Variants in DEUP1 observed in about 807,000 individuals in gnomAD.
DEUP1 encodes deuterosome assembly protein 1, also known as coiled-coil domain containing 67.
A neutral mutation model predicts 87.4 loss-of-function variants in DEUP1; 82 were observed. The observed-to-expected ratio is 0.94, with a 90% CI of 0.78 to 1.13. The LOEUF (loss-of-function observed/expected upper bound fraction) is 1.13. Among genes scored for constraint, DEUP1 ranks in the 50% most tolerant of loss-of-function variants. The pLI, the probability that DEUP1 is intolerant of heterozygous loss-of-function variation, is 0.00. For synonymous variants in DEUP1, 214 were observed against 222.7 expected, an observed-to-expected ratio of 0.96 and a Z score of 0.35; for missense variants, 663 against 681.5, an observed-to-expected ratio of 0.97 and a Z score of 0.30.
intron 9 of DEUP1, among the ~76,000 whole-genome samples, chr11:93,390,722 G>A (rs1946739518): frequency 6.6e-6 from 1 of 152,014 alleles, no homozygotes; most frequent in African/African-American, 2.4e-5. Context: ...ATTCTTTATA[G>A]ACCCTTGGAG....
chr11:93,409,303 A>G (rs16918912), intron 12 of DEUP1, among the ~76,000 whole-genome samples: 3,787 of 152,324 alleles, frequency 0.025, 172 homozygotes, highest in African/African-American at 0.087. Flanking sequence ...CATTATTCCC[A>G]TACTCTGTAA....
At chr11:93,411,403 T>A (rs1947430761) in intron 12 of DEUP1, among the ~76,000 whole-genome samples, 3 of 152,232 alleles carry the variant, frequency 2.0e-5, no homozygotes, top group Admixed American at 2.0e-4. Context: ...AAGGCAATTC[T>A]TACTTTTAAC....
chr11:93,376,407 T>C (rs979090740), intron 7 of DEUP1, among the ~76,000 whole-genome samples: 3 of 152,220 alleles, frequency 2.0e-5, no homozygotes, highest in Non-Finnish European at 4.4e-5. Flanking sequence ...TTTGTGCTTG[T>C]AAAGGTGTTC....
chr11:93,415,050 CT>C lies in DEUP1; in HGVS notation c.1576del (p.Ser526ArgfsTer8). On this transcript the variant is annotated frameshift_variant, in exon 13 of 14. Transcript: ENST00000298050. LOFTEE classifies it high-confidence loss of function. ...PNRSTMPPLPPSTFQAKEMTS... is the reference protein window; with the variant it reads ...PNRSTMPPLPXSTFQAKEMTS... ...AGAAGTACAATGCCTCCCTTGCCAC[CT>C]TCGACATTTCAAGCCAAAGAAATGA... is the stretch of plus-strand genomic sequence containing the variant. 1.2e-6 allele frequency: 2 copies of C among 1,607,398 alleles called. No individual in the cohort carries two copies. The highest frequency in any genetic ancestry group is 8.5e-7 in the Non-Finnish European group (1 of 1,177,540).
intron 2 of DEUP1, among the ~76,000 whole-genome samples, chr11:93,351,161 C>T (rs531493606): frequency 1.3e-5 from 2 of 151,740 alleles, no homozygotes; most frequent in Admixed American, 6.6e-5. Context: ...GACTAGTTGA[C>T]TTGTAAGAGT....
At position 93,383,315 on chromosome 11, in the gene DEUP1, A is replaced by T. The variant is rs111539509; in HGVS notation, c.790-2083A>T. On this transcript the variant is annotated intron_variant, in intron 7 of 13. Coordinates refer to ENST00000298050, the MANE Select transcript of DEUP1 (RefSeq NM_181645.4). ...GGAATCAACCACTGATACATGCTAC[A>T]ACATGGATGAACCTTGAAAGCATTA... 4.5e-3 allele frequency among the ~76,000 whole-genome samples: 682 copies of T among 152,358 alleles called. 2 individuals are homozygous for T. Among genetic ancestry groups the T allele is most frequent in the Middle Eastern group, 0.017 (5 of 294 alleles).
At chr11:93,383,664 T>C in intron 7 of DEUP1, 1 of 638,236 alleles carries the variant, frequency 1.6e-6, no homozygotes, top group Non-Finnish European at 2.8e-6. Context: ...ATATTGATTA[T>C]ATTTCAATGA....
intron 10 of DEUP1, 123 bp from the exon 11 acceptor site, chr11:93,396,116 G>A (rs377126392): frequency 5.6e-4 from 372 of 667,650 alleles, no homozygotes; most frequent in Non-Finnish European, 8.8e-4. Context: ...GTTATTGGTC[G>A]TACCGAAGAA....
At chr11:93,341,227 C>T (rs1408876079) in intron 2 of DEUP1, among the ~76,000 whole-genome samples, 2 of 149,526 alleles carry the variant, frequency 1.3e-5, no homozygotes, top group Non-Finnish European at 3.0e-5. Flanking sequence ...AGAACAGCCT[C>T]AGCATCATAA....
chr11:93,420,693 T>C (rs916560110), intron 13 of DEUP1, among the ~76,000 whole-genome samples: 1 of 144,190 alleles, frequency 6.9e-6, no homozygotes, highest in Non-Finnish European at 1.5e-5. Context: ...TCTCCTTAAG[T>C]TGATAAGCAA....
chr11:93,390,819 C>T (rs751264779), intron 9 of DEUP1, among the ~76,000 whole-genome samples: 3 of 152,100 alleles, frequency 2.0e-5, no homozygotes, highest in Non-Finnish European at 2.9e-5. Flanking sequence ...CATGGTGGCT[C>T]ACACCTGTAA....
At chr11:93,356,225 T>G (rs1384954657) in intron 3 of DEUP1, among the ~76,000 whole-genome samples, 1 of 152,250 alleles carries the variant, frequency 6.6e-6, no homozygotes, top group African/African-American at 2.4e-5. Flanking sequence ...AAAACATCAT[T>G]AGTTAACTTG....
chr11:93,373,129 T>C (rs527762298), intron 7 of DEUP1, among the ~76,000 whole-genome samples: 1 of 152,342 alleles, frequency 6.6e-6, no homozygotes, highest in Non-Finnish European at 1.5e-5. Context: ...AATAAGAAAA[T>C]TGTTGTTCTT....
chr11:93,398,779 G>A (rs1050687649), intron 11 of DEUP1, among the ~76,000 whole-genome samples: 6 of 150,074 alleles, frequency 4.0e-5, no homozygotes, highest in African/African-American at 7.4e-5. Flanking sequence ...GGAGTGCAGC[G>A]GCATGATCTT....
At chr11:93,385,317 A>G in intron 7 of DEUP1, 81 bp from the exon 8 acceptor site, 1 of 1,310,312 alleles carries the variant, frequency 7.6e-7, no homozygotes, top group Non-Finnish European at 1.1e-6. Context: ...AGGCTGGTTT[A>G]TAGATGTTAA....
chr11:93,407,446 C>T (rs1180974585), intron 11 of DEUP1, among the ~76,000 whole-genome samples: 2 of 151,948 alleles, frequency 1.3e-5, no homozygotes, highest in East Asian at 3.9e-4. Context: ...AGAATGTGTC[C>T]CCATAATTAA....
At chr11:93,420,233 A>C (rs1483969532) in intron 13 of DEUP1, among the ~76,000 whole-genome samples, 4 of 152,168 alleles carry the variant, frequency 2.6e-5, no homozygotes, top group Admixed American at 6.6e-5. Flanking sequence ...AGTGGGCTTC[A>C]TCCCTGGGAT....
At chr11:93,410,388 T>C (rs1412373065) in intron 12 of DEUP1, among the ~76,000 whole-genome samples, 1 of 152,192 alleles carries the variant, frequency 6.6e-6, no homozygotes, top group Non-Finnish European at 1.5e-5. Context: ...AATGTGTCCA[T>C]GTGAAGATCT....
At chr11:93,385,626 G>A (rs1331235169) in intron 8 of DEUP1, 83 bp downstream of exon 8, 1 of 1,100,070 alleles carries the variant, frequency 9.1e-7, no homozygotes, top group South Asian at 1.8e-5. Flanking sequence ...TATTTGAAAT[G>A]AGAATATAAA....
Sources: gnomAD v4.1 joint callset for allele counts (sites outside exome capture counted in the v4.1 genomes callset) on GRCh38, gnomAD v4.1.1 for gene constraint, MANE v1.5 for transcripts, NCBI Gene and HGNC (gene_info 2026-07-23, HGNC 2026-07-21) for gene names.